AFDN: variants seen among roughly 807,000 people sequenced by gnomAD.
The protein encoded by AFDN is afadin, adherens junction formation factor.
Under a neutral mutation model 216.6 loss-of-function variants are expected in AFDN, and 68 were observed. The ratio of observed to expected loss-of-function variants is 0.31; its 90% confidence interval spans 0.26 to 0.38. The LOEUF is 0.38. Ranked by LOEUF, AFDN falls within the 10% of genes least tolerant of loss-of-function variation. The probability of loss-of-function intolerance (pLI) is 1.00; values close to 1 mark genes in which losing one functional copy is unlikely to be tolerated. For missense variants in AFDN, 2,136 were observed against 2,342.0 expected (o/e 0.91, Z 1.82); for synonymous variants, 868 against 853.7 (o/e 1.02, Z -0.29).
chr6:167,900,783 C>A (rs1788846380), intron 11 of AFDN, among the ~76,000 whole-genome samples: 1 of 152,188 alleles, frequency 6.6e-6, no homozygotes, highest in African/African-American at 2.4e-5. Flanking sequence ...CATTGTTACT[C>A]CTGTTGTCAG....
chr6:167,965,814 G>C lies in AFDN; in HGVS notation c.5026G>C (p.Asp1676His), dbSNP rs780985399. 6.4e-7 allele frequency: 1 copy of C among 1,566,656 alleles called. No homozygotes were observed. The highest frequency in any genetic ancestry group is 2.3e-5 in the East Asian group (1 of 42,556). ...RLEAERRRQH[D>H]EAARRLLEPE... is the part of the protein sequence containing the mutation. ...GGAAGCCGAGAGGCGCAGACAGCAC[G>C]ACGAGGCGGCGCGCAGGTTGCTGGA... The change falls in exon 32 of 34, where the codon GAC (aspartate) becomes CAC (histidine). Residue 1676 changes from aspartate to histidine, a missense_variant. This residue lies in a region of AFDN where 981 missense variants were observed against 966.0 expected (regional missense o/e 1.02). Transcript: ENST00000683244.
At chr6:167,854,018 G>A (rs1329540672) in intron 1 of AFDN, among the ~76,000 whole-genome samples, 1 of 151,972 alleles carries the variant, frequency 6.6e-6, no homozygotes, top group African/African-American at 2.4e-5. Flanking sequence ...AAATGTACAT[G>A]AGTATCTAAT....
At position 167,970,739 on chromosome 6, in the gene AFDN, C is replaced by CT. The variant is rs1279272561; in HGVS notation, c.*805dup. The stretch of plus-strand genomic sequence containing the variant: ...GATGACAGTTACCTTGGAAAGTTCA[C>CT]TAATACTTCGCTCCAAGGCGTCTGT... On this transcript the variant is annotated 3_prime_UTR_variant, in exon 34 of 34. Transcript: ENST00000683244. 14 of 217,610 alleles carry CT rather than the reference C, an allele frequency of 6.4e-5. No homozygotes were observed. Among genetic ancestry groups the CT allele is most frequent in the African/African-American group, 2.9e-4 (13 of 44,522 alleles). The allele number at this position is 217,610 out of a possible 1,614,324, so 13.5% of individuals were successfully genotyped here.
Position 167,891,117 on chromosome 6 carries a change from C to T in AFDN, c.1177+88C>T, listed in dbSNP as rs1787516732. On this transcript the variant is annotated intron_variant, in intron 8 of 33. Coordinates refer to ENST00000683244, the MANE Select transcript of AFDN (RefSeq NM_001386888.1). ...ACTTTCTAATGCATCTTCAAGTAGT[C>T]TTCTGTTGGCTGACTTAACATTTTT... The T allele has an allele frequency of 4.7e-6, 5 of 1,058,856 alleles. No homozygotes were observed. The African/African-American group carries it at 6.5e-5, about 14-fold the overall frequency. The allele number at this position is 1,058,856 out of a possible 1,614,324, so 65.6% of individuals were successfully genotyped here. A position where few individuals can be genotyped will look rare whatever the true frequency, so the allele number is the denominator to read the frequency against.
intron 19 of AFDN, 75 bp downstream of exon 19, chr6:167,915,508 T>G (rs549550345): frequency 1.3e-6 from 2 of 1,501,936 alleles, no homozygotes; most frequent in Admixed American, 2.2e-5. Flanking sequence ...AGCAAGAGCT[T>G]CAATGCAGCA....
intron 23 of AFDN, among the ~76,000 whole-genome samples, chr6:167,926,259 G>T (rs902115887): frequency 3.9e-5 from 6 of 152,160 alleles, no homozygotes; most frequent in African/African-American, 1.4e-4. Flanking sequence ...TTGAAATGAG[G>T]GTATAGGGGC....
At chr6:167,914,069 G>A (rs909207915) in intron 16 of AFDN, 99 bp from the exon 17 acceptor site, 4 of 1,308,064 alleles carry the variant, frequency 3.1e-6, no homozygotes, top group Middle Eastern at 2.4e-4. Context: ...AAATGGGAAG[G>A]TACTGGTCTA....
intron 27 of AFDN, among the ~76,000 whole-genome samples, chr6:167,947,203 C>G (rs1479035150): frequency 3.4e-5 from 5 of 148,816 alleles, no homozygotes; most frequent in African/African-American, 5.0e-5. Context: ...GAGACGGAGT[C>G]TCACTCTCTC....
At chr6:167,857,497 T>G (rs940924818) in intron 1 of AFDN, among the ~76,000 whole-genome samples, 1 of 152,134 alleles carries the variant, frequency 6.6e-6, no homozygotes, top group African/African-American at 2.4e-5. Flanking sequence ...GGAATTTTAA[T>G]TTTACTGGCT....
At chr6:167,965,647 A>G in intron 31 of AFDN, 110 bp from the exon 32 acceptor site, 1 of 1,033,930 alleles carries the variant, frequency 9.7e-7, no homozygotes, top group Non-Finnish European at 1.4e-6. Flanking sequence ...TGTAACTATT[A>G]AACTTTGACG....
At chr6:167,855,390 A>G (rs1477602248) in intron 1 of AFDN, among the ~76,000 whole-genome samples, 2 of 152,118 alleles carry the variant, frequency 1.3e-5, no homozygotes, top group Admixed American at 1.3e-4. Flanking sequence ...ATATCAGAAG[A>G]TAAGTTTAAT....
At chr6:167,965,232 C>T in intron 31 of AFDN, 1 of 265,652 alleles carries the variant, frequency 3.8e-6, no homozygotes, top group Non-Finnish European at 5.8e-6. Flanking sequence ...TCATGTCCTC[C>T]TTGTCCAGGA....
At position 167,947,956 on chromosome 6, in the gene AFDN, T is replaced by C. The variant is rs764444986; in HGVS notation, c.3645+12T>C. ...ACCTCTGCACTGAGGTCTGATTGAT[T>C]GATAAGCAAAAGGCTTCTACTGCAT... is the stretch of plus-strand genomic sequence containing the variant. On this transcript the variant is annotated intron_variant, in intron 28 of 33. Coordinates refer to ENST00000683244, the MANE Select transcript of AFDN (RefSeq NM_001386888.1). 5 of 1,594,348 alleles carry C rather than the reference T, an allele frequency of 3.1e-6. No homozygotes were observed. In the Admixed American group the frequency reaches 5.0e-5, roughly 16 times the overall value.
chr6:167,944,192 CT>C, intron 26 of AFDN, 133 bp downstream of exon 26: 1 of 674,946 alleles, frequency 1.5e-6, no homozygotes, highest in East Asian at 2.8e-5. Context: ...GATGAGAGCG[CT>C]TCAGCATAGT....
chr6:167,943,623 A>T, intron 25 of AFDN, 148 bp downstream of exon 25: 1 of 616,566 alleles, frequency 1.6e-6, no homozygotes, highest in Non-Finnish European at 2.8e-6. Context: ...TTCACTTGTT[A>T]TCAAATTATA....
chr6:167,914,803 CT>C, intron 18 of AFDN, 65 bp downstream of exon 18: 1 of 1,161,848 alleles, frequency 8.6e-7, no homozygotes, highest in Non-Finnish European at 1.3e-6. Context: ...CATTTTAATG[CT>C]TAGCGTAGGT....
intron 13 of AFDN, among the ~76,000 whole-genome samples, chr6:167,908,875 G>A (rs928234511): frequency 2.0e-5 from 3 of 152,126 alleles, no homozygotes; most frequent in African/African-American, 7.2e-5. Context: ...GTTATAATAA[G>A]CACTACTTAA....
chr6:167,876,769 C>T (rs572189032), intron 5 of AFDN, among the ~76,000 whole-genome samples: 1 of 151,592 alleles, frequency 6.6e-6, no homozygotes, highest in East Asian at 1.9e-4. Flanking sequence ...GTAACATTTA[C>T]ATTTTTTTTT....
chr6:167,887,618 G>C (rs577948614), intron 6 of AFDN, among the ~76,000 whole-genome samples: 95 of 151,922 alleles, frequency 6.3e-4, no homozygotes, highest in Non-Finnish European at 1.2e-3. Context: ...GCCATGTCCG[G>C]CTAATTTTTT....
Sources: allele counts gnomAD v4.1 joint callset (sites outside exome capture counted in the v4.1 genomes callset), GRCh38; gene constraint gnomAD v4.1.1; regional missense constraint gnomAD v4.1.1; transcripts MANE v1.5; gene names NCBI Gene and HGNC (gene_info 2026-07-23, HGNC 2026-07-21).